OTUD7B: variants seen among roughly 807,000 people sequenced by gnomAD.
The protein encoded by OTUD7B is OTU domain-containing protein 7B.
In OTUD7B, 34 loss-of-function variants were observed where a neutral mutation model predicts 82.2. The observed-to-expected ratio is 0.41, with a 90% CI of 0.31 to 0.55. The LOEUF is 0.55. Ranked by LOEUF, OTUD7B falls within the 20% of genes least tolerant of loss-of-function variation. OTUD7B has a pLI of 0.20. For synonymous variants in OTUD7B, 398 were observed against 402.7 expected (o/e 0.99, Z 0.14); for missense variants, 944 against 1,062.1 (o/e 0.89, Z 1.55).
intron 1 of OTUD7B, among the ~76,000 whole-genome samples, chr1:149,998,518 C>T (rs782436105): frequency 1.4e-4 from 22 of 152,330 alleles, no homozygotes; most frequent in Non-Finnish European, 3.1e-4. Flanking sequence ...TGGTTCTCCA[C>T]CTTGAATGTT....
In OTUD7B at chr1:149,942,244, A is replaced by G. The variant is rs1190500469; in HGVS notation, c.*1613T>C. ...CAGCCCCAGTTAATACTCTGGACAC[A>G]TAAGTACACTTATTCCCCTTCTTCA... On this transcript the variant is annotated 3_prime_UTR_variant, in exon 12 of 12. Transcript: ENST00000581312. The G allele has an allele frequency of 1.3e-5, 2 of 152,668 alleles. No individual in the cohort carries two copies. The highest frequency in any genetic ancestry group is 6.5e-5 in the Admixed American group (1 of 15,278). 9.5% of individuals were successfully genotyped at this position (152,668 alleles called of 1,614,324 possible).
Position 149,940,469 on chromosome 1 carries a change from T to C in OTUD7B, c.*3388A>G, listed in dbSNP as rs1397488628. 1 of 152,144 alleles carries C rather than the reference T, an allele frequency of 6.6e-6. No homozygotes were observed. Among genetic ancestry groups the C allele is most frequent in the Non-Finnish European group, 1.5e-5 (1 of 68,032 alleles). The allele number at this position is 152,144 out of a possible 1,614,324, so 9.4% of individuals were successfully genotyped here. A position where few individuals can be genotyped will look rare whatever the true frequency, so the allele number is the denominator to read the frequency against. ...CTATCCTACAGTAATACTTACTCCA[T>C]TGGAGATGGGGCAGAGAGCACAGCA... is the stretch of plus-strand genomic sequence containing the variant. On this transcript the variant is annotated 3_prime_UTR_variant, in exon 12 of 12. Transcript: ENST00000581312.
At chr1:150,027,743 A>G in the OTUD7B span, among the ~76,000 whole-genome samples, 1 of 151,550 alleles carries the variant, frequency 6.6e-6, no homozygotes, top group African/African-American at 2.4e-5. Context: ...AAAAAAGTGT[A>G]TTTTCTTAAA....
At chr1:150,054,955 G>A in the OTUD7B span, 6 of 322,492 alleles carry the variant, frequency 1.9e-5, no homozygotes, top group South Asian at 1.8e-4. Flanking sequence ...CAAAATCAAA[G>A]CTATTCCTCA....
chr1:150,028,290 C>A, the OTUD7B span, among the ~76,000 whole-genome samples: 1 of 152,128 alleles, frequency 6.6e-6, no homozygotes, highest in Admixed American at 6.6e-5. Context: ...TCAATACAAT[C>A]AAGATCATTT....
At chr1:150,064,439 A>G in the OTUD7B span, among the ~76,000 whole-genome samples, 1 of 151,784 alleles carries the variant, frequency 6.6e-6, no homozygotes, top group Non-Finnish European at 1.5e-5. Context: ...TGGCATGAAC[A>G]TGGCTCACTG....
intron 11 of OTUD7B, among the ~76,000 whole-genome samples, chr1:149,946,097 G>A (rs1647704865): frequency 7.2e-6 from 1 of 138,640 alleles, no homozygotes; most frequent in Admixed American, 7.3e-5. Flanking sequence ...ATATGTTTTA[G>A]GTCAGGCGCG....
chr1:149,949,255 G>A lies in OTUD7B; in HGVS notation c.1124-172C>T, dbSNP rs782686491. On this transcript the variant is annotated intron_variant, in intron 9 of 11. Coordinates refer to ENST00000581312, the MANE Select transcript of OTUD7B (RefSeq NM_020205.4). Reference sequence around the variant, plus strand: ...AATTGGCTAGTTTTCCCGCTACCACGCAGCATATGTTTTAGGCCACAAATC... The same window carrying A: ...AATTGGCTAGTTTTCCCGCTACCACACAGCATATGTTTTAGGCCACAAATC... Among the ~76,000 whole-genome samples, 30 of 152,134 alleles carry A rather than the reference G, an allele frequency of 2.0e-4. 1 individual carries two copies. The highest frequency in any genetic ancestry group is 1.8e-3 in the Admixed American group (28 of 15,274).
chr1:149,990,095 G>A (rs1286434624), intron 1 of OTUD7B, among the ~76,000 whole-genome samples: 2 of 152,202 alleles, frequency 1.3e-5, no homozygotes, highest in African/African-American at 4.8e-5. Context: ...GGGGCCTGGA[G>A]ATATCCCAGT....
the OTUD7B span, among the ~76,000 whole-genome samples, chr1:150,039,799 AT>A: frequency 6.6e-6 from 1 of 151,576 alleles, no homozygotes; most frequent in African/African-American, 2.4e-5. Context: ...TTTCCTCTAC[AT>A]TTTTTCATTA....
At chr1:150,052,136 C>T in the OTUD7B span, among the ~76,000 whole-genome samples, 1 of 152,190 alleles carries the variant, frequency 6.6e-6, no homozygotes, top group Non-Finnish European at 1.5e-5. Flanking sequence ...TCTCTCACCA[C>T]TCCTATTCAA....
chr1:150,033,842 C>T, the OTUD7B span, among the ~76,000 whole-genome samples: 2 of 152,126 alleles, frequency 1.3e-5, no homozygotes, highest in African/African-American at 4.8e-5. Flanking sequence ...CTGCCTCAGC[C>T]TCCCAAGTAG....
the OTUD7B span, among the ~76,000 whole-genome samples, chr1:150,019,521 C>G: frequency 6.6e-6 from 1 of 152,100 alleles, no homozygotes; most frequent in African/African-American, 2.4e-5. Context: ...GCATGGGCAC[C>G]ATGCCTGGCT....
Position 149,939,249 on chromosome 1 carries a change from A to G in OTUD7B, c.*4608T>C, listed in dbSNP as rs2092747075. Reference sequence around the variant, plus strand: ...CACAAGATGAGTCACAGATCCAGTTATAAGCACAGAAAGAGGCCAAGGTCC... The same window carrying G: ...CACAAGATGAGTCACAGATCCAGTTGTAAGCACAGAAAGAGGCCAAGGTCC... On this transcript the variant is annotated 3_prime_UTR_variant, in exon 12 of 12. Transcript: ENST00000581312. 1 of 152,250 alleles carries G rather than the reference A, an allele frequency of 6.6e-6. No homozygotes were observed. 9.4% of individuals were successfully genotyped at this position (152,250 alleles called of 1,614,324 possible). A position where few individuals can be genotyped will look rare whatever the true frequency, so the allele number is the denominator to read the frequency against.
rs782338980 is a variant in OTUD7B, at chr1:149,944,482, TCAG to T, written c.1904_1906del (p.Ala635del). On this transcript the variant is annotated inframe_deletion, in exon 12 of 12. Transcript: ENST00000581312. Reference sequence around the variant, plus strand: ...CTTCTGTTCTGCCAGGAATCTCTCCTCAGCATCAGAAAGGTAGCGCTGGATCAT... The same window carrying T: ...CTTCTGTTCTGCCAGGAATCTCTCCTCATCAGAAAGGTAGCGCTGGATCAT... 4 of 1,614,136 alleles carry T rather than the reference TCAG, an allele frequency of 2.5e-6. No individual in the cohort carries two copies. The highest frequency in any genetic ancestry group is 3.4e-6 in the Non-Finnish European group (4 of 1,180,014).
chr1:150,001,510 G>A (rs1652279283), intron 1 of OTUD7B, among the ~76,000 whole-genome samples: 1 of 152,136 alleles, frequency 6.6e-6, no homozygotes, highest in Non-Finnish European at 1.5e-5. Context: ...AGATAGCAGA[G>A]GGGAGTGAAA....
At position 149,950,212 on chromosome 1, in the gene OTUD7B, A is replaced by G. The variant is rs782384490; in HGVS notation, c.855T>C (p.Ser285=). ...TNGANCGGVE[S]SEEPVYESLE... Reference sequence around the variant, plus strand: ...GGCTCTCATATACAGGCTCCTCAGAACTCTCCACCCTGGAACGACGGGAAG... The same window carrying G: ...GGCTCTCATATACAGGCTCCTCAGAGCTCTCCACCCTGGAACGACGGGAAG... Residue 285 remains serine (S), a synonymous_variant, in exon 8 of 12, where the codon AGT becomes AGC. Coordinates refer to ENST00000581312, the MANE Select transcript of OTUD7B (RefSeq NM_020205.4). 1 of 1,613,958 alleles carries G rather than the reference A, an allele frequency of 6.2e-7. No homozygotes were observed. The highest frequency in any genetic ancestry group is 8.5e-7 in the Non-Finnish European group (1 of 1,179,992).
At chr1:150,046,614 A>ATT in the OTUD7B span, among the ~76,000 whole-genome samples, 2,737 of 135,438 alleles carry the variant, frequency 0.02, 95 homozygotes, top group African/African-American at 0.068. Flanking sequence ...CACCTGGCTA[A>ATT]TTTTTTTTTT....
chr1:150,061,226 T>C, the OTUD7B span, among the ~76,000 whole-genome samples: 2 of 152,140 alleles, frequency 1.3e-5, no homozygotes, highest in Non-Finnish European at 2.9e-5. Flanking sequence ...TCTATAGGTT[T>C]GTAGCCCTAA....
Sources: allele counts gnomAD v4.1 joint callset (sites outside exome capture counted in the v4.1 genomes callset), GRCh38; gene constraint gnomAD v4.1.1; transcripts MANE v1.5; gene names NCBI Gene and HGNC (gene_info 2026-07-23, HGNC 2026-07-21).